The following FBXO22 variants were observed in gnomAD, a reference collection of about 807,000 sequenced individuals.
The protein encoded by FBXO22 is F-box protein 22.
A neutral mutation model predicts 37.2 loss-of-function variants in FBXO22; 13 were observed. The observed-to-expected ratio is 0.35, with a 90% CI of 0.23 to 0.56. The LOEUF is 0.56. FBXO22 is among the 20% of genes least tolerant of loss of function. The pLI, the probability that FBXO22 is intolerant of heterozygous loss-of-function variation, is 0.87. For missense variants in FBXO22, 446 were observed against 509.9 expected (o/e 0.87, Z 1.21); for synonymous variants, 189 against 189.1 (o/e 1.00, Z 0.00).
rs1164449909 is a variant in FBXO22 at position 75,934,195 on chromosome 15, T to C, written c.*1093T>C. On this transcript the variant is annotated 3_prime_UTR_variant, in exon 7 of 7. Coordinates refer to ENST00000308275, the MANE Select transcript of FBXO22 (RefSeq NM_147188.3). The stretch of plus-strand genomic sequence containing the variant: ...GTCCTTAAAATGGCATGACCATTTA[T>C]TTGCCCCTTTCTCCATCCTGTTGCT... 1 of 152,300 alleles carries C rather than the reference T, an allele frequency of 6.6e-6. No homozygotes were observed. Among genetic ancestry groups the C allele is most frequent in the Non-Finnish European group, 1.5e-5 (1 of 68,100 alleles). 9.4% of individuals were successfully genotyped at this position (152,300 alleles called of 1,614,324 possible). A position where few individuals can be genotyped will look rare whatever the true frequency, so the allele number is the denominator to read the frequency against.
rs1042506860 is a variant in FBXO22, at chr15:75,940,629, C to T, written c.*7527C>T. ...AGTAATCAAAACAATGTGATTCTGG[C>T]ATAAAGGCAGACGGATAGACCAATG... On this transcript the variant is annotated 3_prime_UTR_variant, in exon 7 of 7. Coordinates refer to ENST00000308275, the MANE Select transcript of FBXO22 (RefSeq NM_147188.3). 6.6e-6 allele frequency: 1 copy of T among 152,016 alleles called. No individual in the cohort carries two copies. The highest frequency in any genetic ancestry group is 2.4e-5 in the African/African-American group (1 of 41,396). The allele number at this position is 152,016 out of a possible 1,614,324, so 9.4% of individuals were successfully genotyped here. A position where few individuals can be genotyped will look rare whatever the true frequency, so the allele number is the denominator to read the frequency against.
At chr15:75,910,063 A>G (rs920824950) in intron 2 of FBXO22, among the ~76,000 whole-genome samples, 8 of 152,184 alleles carry the variant, frequency 5.3e-5, no homozygotes, top group African/African-American at 1.9e-4. Flanking sequence ...GATGGTTTCC[A>G]GCTTCATCCA....
intron 4 of FBXO22, among the ~76,000 whole-genome samples, chr15:75,916,250 C>T (rs781134098): frequency 6.6e-6 from 1 of 152,088 alleles, no homozygotes; most frequent in Non-Finnish European, 1.5e-5. Flanking sequence ...TTTCTGTAGA[C>T]TTGTAACCTA....
chr15:75,927,529 C>G (rs1271603766), intron 5 of FBXO22, among the ~76,000 whole-genome samples: 1 of 152,088 alleles, frequency 6.6e-6, no homozygotes, highest in Non-Finnish European at 1.5e-5. Flanking sequence ...ATTGGCAGTC[C>G]TTGTTTGTAA....
chr15:75,920,952 G>A (rs1005197105), intron 5 of FBXO22, among the ~76,000 whole-genome samples: 4 of 152,136 alleles, frequency 2.6e-5, no homozygotes, highest in Non-Finnish European at 4.4e-5. Context: ...GCTTAATGAC[G>A]GGGATGAGTT....
intron 2 of FBXO22, among the ~76,000 whole-genome samples, chr15:75,907,667 A>G (rs1180277511): frequency 2.6e-5 from 4 of 152,300 alleles, no homozygotes; most frequent in African/African-American, 7.2e-5. Flanking sequence ...AAGCCGAGGC[A>G]GGCAAATCAC....
intron 2 of FBXO22, among the ~76,000 whole-genome samples, chr15:75,911,167 C>T (rs986515356): frequency 3.9e-5 from 6 of 152,098 alleles, no homozygotes; most frequent in South Asian, 2.1e-4. Flanking sequence ...GTTACTGTAG[C>T]CTTGTAGTAT....
In FBXO22 at chr15:75,903,913, A is replaced by C. The variant is rs747892793; in HGVS notation, c.-51A>C. 2.0e-5 allele frequency: 29 copies of C among 1,453,180 alleles called. No homozygotes were observed. The highest frequency in any genetic ancestry group is 2.5e-5 in the Non-Finnish European group (28 of 1,098,582). 90.0% of individuals were successfully genotyped at this position (1,453,180 alleles called of 1,614,324 possible). On this transcript the variant is annotated 5_prime_UTR_variant, in exon 1 of 7. An upstream open reading frame in the 5' UTR loses its in-frame stop. Transcript: ENST00000308275. The stretch of plus-strand genomic sequence containing the variant: ...GGCCGGGCAACCCTATGCTGGCGTA[A>C]TCGGGTTCCTCCGAGCCGCCGTAGG...
chr15:75,936,987 T>G lies in FBXO22; in HGVS notation c.*3885T>G, dbSNP rs2030410361. On this transcript the variant is annotated 3_prime_UTR_variant, in exon 7 of 7. Transcript: ENST00000308275. Reference sequence around the variant, plus strand: ...AGAAGAAATTGAAAGAAAATATATTTATTAATGTTGCTTTTAAATGCAAAT... The same window carrying G: ...AGAAGAAATTGAAAGAAAATATATTGATTAATGTTGCTTTTAAATGCAAAT... The G allele has an allele frequency of 6.6e-6, 1 of 152,212 alleles. No homozygotes were observed. Among genetic ancestry groups the G allele is most frequent in the African/African-American group, 2.4e-5 (1 of 41,456 alleles). The allele number at this position is 152,212 out of a possible 1,614,324, so 9.4% of individuals were successfully genotyped here.
At chr15:75,909,223 C>G (rs1372998855) in intron 2 of FBXO22, among the ~76,000 whole-genome samples, 1 of 152,044 alleles carries the variant, frequency 6.6e-6, no homozygotes, top group Non-Finnish European at 1.5e-5. Flanking sequence ...ATAAGATTAA[C>G]TAGGGGTAAG....
At chr15:75,931,044 C>T (rs904017828) in intron 6 of FBXO22, among the ~76,000 whole-genome samples, 41 of 152,134 alleles carry the variant, frequency 2.7e-4, no homozygotes, top group Admixed American at 1.3e-4. Context: ...GGATTTTGTG[C>T]ATACATACAC....
intron 2 of FBXO22, among the ~76,000 whole-genome samples, chr15:75,908,302 C>T (rs1156926700): frequency 6.6e-6 from 1 of 150,386 alleles, no homozygotes; most frequent in Non-Finnish European, 1.5e-5. Flanking sequence ...GAGACAGAGT[C>T]TCGCCTGTCG....
chr15:75,924,151 A>G (rs1198472091), intron 5 of FBXO22, among the ~76,000 whole-genome samples: 1 of 152,182 alleles, frequency 6.6e-6, no homozygotes, highest in African/African-American at 2.4e-5. Flanking sequence ...TCTAGAGGAA[A>G]GATATTAATT....
In FBXO22 at chr15:75,904,017, G is replaced by C; in HGVS notation, c.54G>C (p.Arg18=). 1 of 1,578,854 alleles carries C rather than the reference G, an allele frequency of 6.3e-7. No individual in the cohort carries two copies. The highest frequency in any genetic ancestry group is 8.6e-7 in the Non-Finnish European group (1 of 1,162,168). Residue 18 remains arginine, a synonymous_variant, in exon 1 of 7, where the codon CGG becomes CGC. Transcript: ENST00000308275. ...GCCGCGGCTCCTCCGTAGACCCGCG[G>C]AGCACCTTCGTGTTGAGTAACCTGG... ...GECRGSSVDP[R]STFVLSNLAE... is the part of the protein sequence containing the mutation.
At chr15:75,915,491 C>A (rs1163985123) in intron 4 of FBXO22, among the ~76,000 whole-genome samples, 1 of 151,968 alleles carries the variant, frequency 6.6e-6, no homozygotes, top group African/African-American at 2.4e-5. Context: ...TTTGGCCTGG[C>A]GTGGTGGCTG....
chr15:75,912,062 T>C (rs1368299100), intron 2 of FBXO22, among the ~76,000 whole-genome samples: 3 of 151,278 alleles, frequency 2.0e-5, no homozygotes, highest in Non-Finnish European at 4.4e-5. Flanking sequence ...GATGTATATG[T>C]TTATATGACG....
At chr15:75,929,266 T>C (rs1050050036) in intron 5 of FBXO22, among the ~76,000 whole-genome samples, 1 of 151,080 alleles carries the variant, frequency 6.6e-6, no homozygotes, top group African/African-American at 2.4e-5. Context: ...CCAGATGATT[T>C]AATCTTAAGA....
chr15:75,904,427 G>T, intron 1 of FBXO22, 64 bp from the exon 2 acceptor site: 1 of 1,607,844 alleles, frequency 6.2e-7, no homozygotes, highest in South Asian at 1.1e-5. Context: ...GTGGGGGTTT[G>T]TGAGCTGTGG....
chr15:75,927,494 C>CT lies in FBXO22; in HGVS notation c.629-2389dup, dbSNP rs1900469543. On this transcript the variant is annotated intron_variant, in intron 5 of 6. Coordinates refer to ENST00000308275, the MANE Select transcript of FBXO22 (RefSeq NM_147188.3). Reference sequence around the variant, plus strand: ...ATGTAGAGTCTGTCATTATATTGTCCTGGGGTAGTAGTCACTTCTCTGGCA... The same window carrying CT: ...ATGTAGAGTCTGTCATTATATTGTCCTTGGGGTAGTAGTCACTTCTCTGGCA... Among the ~76,000 whole-genome samples, 8 of 152,196 alleles carry CT rather than the reference C, an allele frequency of 5.3e-5. No individual in the cohort carries two copies. In the South Asian group the frequency reaches 1.7e-3, roughly 32 times the overall value.
Sources: gnomAD v4.1 joint callset for allele counts (sites outside exome capture counted in the v4.1 genomes callset) on GRCh38, gnomAD v4.1.1 for gene constraint, MANE v1.5 for transcripts, NCBI Gene and HGNC (gene_info 2026-07-23, HGNC 2026-07-21) for gene names.